ABTB3: variants seen among roughly 807,000 people sequenced by gnomAD.
ABTB3 encodes ankyrin repeat- and BTB/POZ domain-containing protein 3.
the ABTB3 span, among the ~76,000 whole-genome samples, chr12:107,554,056 T>A: frequency 2.0e-5 from 3 of 152,002 alleles, no homozygotes; most frequent in African/African-American, 7.2e-5. Context: ...TAACGGAGAG[T>A]ACTGAACATT....
the ABTB3 span, among the ~76,000 whole-genome samples, chr12:107,324,945 A>T: frequency 6.6e-6 from 1 of 152,206 alleles, no homozygotes; most frequent in African/African-American, 2.4e-5. Context: ...TACAGTGAGG[A>T]TTACAAAACA....
chr12:107,549,608 G>T, the ABTB3 span, among the ~76,000 whole-genome samples: 1 of 152,154 alleles, frequency 6.6e-6, no homozygotes, highest in Non-Finnish European at 1.5e-5. Flanking sequence ...GCCCAGTATG[G>T]GTAGAAGATT....
At chr12:107,573,153 C>G in the ABTB3 span, among the ~76,000 whole-genome samples, 6 of 152,164 alleles carry the variant, frequency 3.9e-5, no homozygotes, top group Non-Finnish European at 7.4e-5. Flanking sequence ...TTTCATGGTT[C>G]CCAAGTGGTG....
chr12:107,657,265 T>C, the ABTB3 span, among the ~76,000 whole-genome samples: 1 of 152,118 alleles, frequency 6.6e-6, no homozygotes, highest in African/African-American at 2.4e-5. Flanking sequence ...TTTTGTAACT[T>C]GGAAAACTGA....
the ABTB3 span, among the ~76,000 whole-genome samples, chr12:107,472,156 A>G: frequency 0.034 from 5,227 of 152,204 alleles, 269 homozygotes; most frequent in African/African-American, 0.12. Context: ...ACCCATACCC[A>G]TTATTTCTGC....
At chr12:107,563,948 C>T in the ABTB3 span, among the ~76,000 whole-genome samples, 49 of 152,054 alleles carry the variant, frequency 3.2e-4, no homozygotes, top group African/African-American at 7.5e-4. Flanking sequence ...TATAATTGGA[C>T]GACCAGATTT....
chr12:107,451,683 C>G, the ABTB3 span, among the ~76,000 whole-genome samples: 1 of 151,940 alleles, frequency 6.6e-6, no homozygotes, highest in Non-Finnish European at 1.5e-5. Context: ...TTCCTTCCCC[C>G]CAGTTTTCCT....
At chr12:107,577,232 G>C in the ABTB3 span, among the ~76,000 whole-genome samples, 1 of 152,134 alleles carries the variant, frequency 6.6e-6, no homozygotes, top group Non-Finnish European at 1.5e-5. Context: ...TTACAGAAAA[G>C]GTTTGCTGAG....
the ABTB3 span, among the ~76,000 whole-genome samples, chr12:107,576,723 C>A: frequency 6.6e-6 from 1 of 152,170 alleles, no homozygotes; most frequent in African/African-American, 2.4e-5. Flanking sequence ...AATTCCTGAG[C>A]CCATGGATGT....
the ABTB3 span, among the ~76,000 whole-genome samples, chr12:107,327,586 A>G: frequency 2.6e-5 from 4 of 152,210 alleles, no homozygotes; most frequent in Non-Finnish European, 5.9e-5. Flanking sequence ...TCTATAGAGC[A>G]TACAGGCTTA....
the ABTB3 span, chr12:107,544,102 A>G: frequency 6.2e-7 from 1 of 1,614,032 alleles, no homozygotes; most frequent in Non-Finnish European, 8.5e-7. Flanking sequence ...GGAAAACCCC[A>G]ACGTGGAGCC....
chr12:107,374,887 T>G, the ABTB3 span: 1 of 152,418 alleles, frequency 6.6e-6, no homozygotes, highest in Non-Finnish European at 1.5e-5. Context: ...TAATTTCATC[T>G]TTCCTCATGC....
the ABTB3 span, among the ~76,000 whole-genome samples, chr12:107,409,489 C>G: frequency 2.6e-5 from 4 of 152,178 alleles, no homozygotes; most frequent in East Asian, 5.8e-4. Flanking sequence ...ACTGTTTACA[C>G]TAGTGAATAT....
At chr12:107,321,889 T>A in the ABTB3 span, among the ~76,000 whole-genome samples, 1 of 152,140 alleles carries the variant, frequency 6.6e-6, no homozygotes, top group Non-Finnish European at 1.5e-5. Flanking sequence ...GAACCTCTTC[T>A]TTTTTCTCCC....
At chr12:107,535,426 A>G in the ABTB3 span, among the ~76,000 whole-genome samples, 3 of 152,176 alleles carry the variant, frequency 2.0e-5, no homozygotes, top group Non-Finnish European at 4.4e-5. Flanking sequence ...CTAACAAGCA[A>G]TTAAGCAAGA....
the ABTB3 span, among the ~76,000 whole-genome samples, chr12:107,554,084 G>A: frequency 4.6e-5 from 7 of 152,206 alleles, no homozygotes; most frequent in African/African-American, 1.7e-4. Context: ...CGTCTACTAT[G>A]TGTCATGTAC....
the ABTB3 span, among the ~76,000 whole-genome samples, chr12:107,342,587 A>T: frequency 2.0e-5 from 3 of 151,970 alleles, no homozygotes; most frequent in Admixed American, 2.0e-4. Flanking sequence ...CCCTGCTCTG[A>T]TATTATTATT....
chr12:107,638,963 G>A, the ABTB3 span, among the ~76,000 whole-genome samples: 2 of 152,192 alleles, frequency 1.3e-5, no homozygotes, highest in African/African-American at 4.8e-5. Context: ...ATAGCATGAT[G>A]AGGCTACAGC....
chr12:107,375,671 T>A, the ABTB3 span, among the ~76,000 whole-genome samples: 1 of 152,104 alleles, frequency 6.6e-6, no homozygotes, highest in Non-Finnish European at 1.5e-5. Context: ...GTTCGTTACT[T>A]ACCTGCTGGA....
Sources: gnomAD v4.1 joint callset for allele counts (sites outside exome capture counted in the v4.1 genomes callset) on GRCh38, gnomAD v4.1.1 for gene constraint, MANE v1.5 for transcripts, NCBI Gene and HGNC (gene_info 2026-07-23, HGNC 2026-07-21) for gene names.